B3GALT1: variants seen among roughly 807,000 people sequenced by gnomAD.
The protein encoded by B3GALT1 is beta-1,3-galactosyltransferase 1.
A neutral mutation model predicts 23.2 loss-of-function variants in B3GALT1; 10 were observed. The observed-to-expected ratio is 0.43, with a 90% CI of 0.27 to 0.73. The LOEUF (loss-of-function observed/expected upper bound fraction) is 0.73, where lower values mean the gene tolerates loss of function less well. B3GALT1 is among the 30% of genes least tolerant of loss of function. The probability of loss-of-function intolerance (pLI) is 0.21; values close to 1 mark genes in which losing one functional copy is unlikely to be tolerated. For synonymous variants in B3GALT1, 156 were observed against 141.5 expected (o/e 1.10, Z -0.73); for missense variants, 299 against 405.4 (o/e 0.74, Z 2.25).
intron 4 of B3GALT1, among the ~76,000 whole-genome samples, chr2:167,868,569 T>G (rs1274897344): frequency 1.3e-5 from 2 of 152,122 alleles, no homozygotes; most frequent in African/African-American, 4.8e-5. Context: ...TTACTTCACC[T>G]TCATCTAGAA....
At chr2:167,450,973 G>C (rs114574829) in intron 1 of B3GALT1, among the ~76,000 whole-genome samples, 2,651 of 151,892 alleles carry the variant, frequency 0.017, 83 homozygotes, top group African/African-American at 0.061. Flanking sequence ...TCTTCTGCTT[G>C]TTCAGTTCTG....
chr2:167,620,374 G>C (rs1191099266), intron 2 of B3GALT1, among the ~76,000 whole-genome samples: 1 of 152,004 alleles, frequency 6.6e-6, no homozygotes, highest in Non-Finnish European at 1.5e-5. Context: ...GCAGAGGGAG[G>C]GGCTGGACTC....
At chr2:167,411,585 T>C (rs1273094555) in intron 1 of B3GALT1, among the ~76,000 whole-genome samples, 2 of 152,122 alleles carry the variant, frequency 1.3e-5, no homozygotes, top group Non-Finnish European at 2.9e-5. Flanking sequence ...GGTGAGGTTG[T>C]AGAAAAGGGG....
intron 2 of B3GALT1, among the ~76,000 whole-genome samples, chr2:167,528,844 G>A (rs995150446): frequency 6.6e-6 from 1 of 151,948 alleles, no homozygotes; most frequent in Non-Finnish European, 1.5e-5. Flanking sequence ...GGATTCCAAG[G>A]ATTCCTAGGA....
intron 3 of B3GALT1, among the ~76,000 whole-genome samples, chr2:167,757,578 T>G (rs573415670): frequency 4.6e-5 from 7 of 152,118 alleles, no homozygotes; most frequent in African/African-American, 1.2e-4. Context: ...CAGGCTGGAC[T>G]TTTTTTGACC....
chr2:167,792,082 G>C (rs1688447404), intron 3 of B3GALT1, among the ~76,000 whole-genome samples: 4 of 151,054 alleles, frequency 2.6e-5, no homozygotes, highest in African/African-American at 9.7e-5. Flanking sequence ...AAAAAAAAAA[G>C]AACAATATAA....
In B3GALT1 at chr2:167,548,849, CTTGAG is replaced by C. The variant is rs371507400; in HGVS notation, c.-410+58576_-410+58580del. The stretch of plus-strand genomic sequence containing the variant: ...AAGAAGTAAAGCAAACCAAAAAGAA[CTTGAG>C]TTGTCTTTTTTTATTATTTGTCTTT... On this transcript the variant is annotated intron_variant, in intron 2 of 4. Coordinates refer to ENST00000392690, the MANE Select transcript of B3GALT1 (RefSeq NM_020981.4). 1.0e-3 allele frequency among the ~76,000 whole-genome samples: 157 copies of C among 152,230 alleles called. 1 individual carries two copies. The highest frequency in any genetic ancestry group is 3.6e-3 in the African/African-American group (151 of 41,538).
Position 167,584,889 on chromosome 2 carries a change from T to C in B3GALT1, c.-409-62020T>C, listed in dbSNP as rs527365948. Among the ~76,000 whole-genome samples, 8 of 152,332 alleles carry C rather than the reference T, an allele frequency of 5.3e-5. No individual in the cohort carries two copies. In the South Asian group the frequency reaches 1.7e-3, roughly 32 times the overall value. On this transcript the variant is annotated intron_variant, in intron 2 of 4. Coordinates refer to ENST00000392690, the MANE Select transcript of B3GALT1 (RefSeq NM_020981.4). Reference sequence around the variant, plus strand: ...AGCTATTCAGAAGCTCCAGGAACCCTGTCCTTTTGGGTTTTTATGGAAGCT... The same window carrying C: ...AGCTATTCAGAAGCTCCAGGAACCCCGTCCTTTTGGGTTTTTATGGAAGCT...
intron 2 of B3GALT1, among the ~76,000 whole-genome samples, chr2:167,564,516 G>A (rs371740372): frequency 3.9e-5 from 6 of 152,160 alleles, no homozygotes; most frequent in Admixed American, 6.5e-5. Flanking sequence ...GCAGGACGCC[G>A]GGAGGTGGAG....
intron 1 of B3GALT1, among the ~76,000 whole-genome samples, chr2:167,439,625 A>G (rs1461847699): frequency 6.6e-6 from 1 of 152,092 alleles, no homozygotes; most frequent in Non-Finnish European, 1.5e-5. Flanking sequence ...ACATATGTAT[A>G]CATGTGCCAT....
intron 3 of B3GALT1, among the ~76,000 whole-genome samples, chr2:167,732,584 C>G (rs1432656184): frequency 6.6e-6 from 1 of 152,192 alleles, no homozygotes; most frequent in Non-Finnish European, 1.5e-5. Flanking sequence ...AGTTCCCACT[C>G]TCTCAGCATG....
intron 2 of B3GALT1, among the ~76,000 whole-genome samples, chr2:167,500,116 C>G (rs1236173110): frequency 1.3e-5 from 2 of 152,034 alleles, no homozygotes; most frequent in Non-Finnish European, 2.9e-5. Flanking sequence ...GTTAATGTCA[C>G]AATAGCCTCA....
At chr2:167,861,864 T>C (rs1355723587) in intron 4 of B3GALT1, among the ~76,000 whole-genome samples, 2 of 152,202 alleles carry the variant, frequency 1.3e-5, no homozygotes, top group Non-Finnish European at 2.9e-5. Flanking sequence ...TCTTACCAGC[T>C]CACTGCCTGG....
intron 3 of B3GALT1, among the ~76,000 whole-genome samples, chr2:167,647,603 TTC>T (rs1310730228): frequency 1.3e-5 from 2 of 152,170 alleles, no homozygotes; most frequent in African/African-American, 4.8e-5. Context: ...CTGACCTGGA[TTC>T]TCTCTTTACT....
At chr2:167,472,474 G>A (rs1018843014) in intron 1 of B3GALT1, among the ~76,000 whole-genome samples, 2 of 151,984 alleles carry the variant, frequency 1.3e-5, no homozygotes, top group Non-Finnish European at 2.9e-5. Context: ...TCTCACTGTG[G>A]GCACTACCCC....
chr2:167,729,557 T>C (rs1687374417), intron 3 of B3GALT1, among the ~76,000 whole-genome samples: 1 of 152,212 alleles, frequency 6.6e-6, no homozygotes, highest in South Asian at 2.1e-4. Context: ...ACTTCTGCTG[T>C]GAGTAAAACT....
chr2:167,620,531 A>C (rs923619750), intron 2 of B3GALT1, among the ~76,000 whole-genome samples: 2 of 152,240 alleles, frequency 1.3e-5, no homozygotes, highest in South Asian at 2.1e-4. Context: ...TTTTATATTT[A>C]TATTTGCAAA....
At chr2:167,585,042 A>G (rs892809199) in intron 2 of B3GALT1, among the ~76,000 whole-genome samples, 4 of 151,900 alleles carry the variant, frequency 2.6e-5, no homozygotes, top group African/African-American at 9.7e-5. Context: ...TCCTGCCTTG[A>G]TTTTTCCTGT....
chr2:167,471,945 C>T (rs1366217823), intron 1 of B3GALT1, among the ~76,000 whole-genome samples: 1 of 152,140 alleles, frequency 6.6e-6, no homozygotes, highest in South Asian at 2.1e-4. Flanking sequence ...GTGTGAAACA[C>T]TGTAGTAGAA....
Sources: gnomAD v4.1 joint callset for allele counts (sites outside exome capture counted in the v4.1 genomes callset) on GRCh38, gnomAD v4.1.1 for gene constraint, MANE v1.5 for transcripts, NCBI Gene and HGNC (gene_info 2026-07-23, HGNC 2026-07-21) for gene names.